Variants in RTL4 observed in about 807,000 individuals in gnomAD.
RTL4 encodes retrotransposon Gag-like protein 4.
Under a neutral mutation model 5.3 loss-of-function variants are expected in RTL4, and 4 were observed. That is an observed-to-expected ratio of 0.75 (90% confidence interval 0.37 to 1.72). RTL4 has a LOEUF of 1.72. Among genes scored for constraint, RTL4 ranks in the 40% most tolerant of loss-of-function variants. RTL4 has a pLI of 0.04. For synonymous variants in RTL4, 98 were observed against 87.3 expected (o/e 1.12, Z -0.68); for missense variants, 260 against 227.1 (o/e 1.14, Z -0.93).
chrX:112,309,283 T>C, the RTL4 span, among the ~76,000 whole-genome samples: 5 of 108,257 alleles, frequency 4.6e-5, no homozygotes, highest in Non-Finnish European at 9.4e-5. Flanking sequence ...GTGGCAGAGA[T>C]AGACAAGTAA....
chrX:112,329,403 A>G, the RTL4 span, among the ~76,000 whole-genome samples: 80 of 111,953 alleles, frequency 7.1e-4, no homozygotes, highest in Middle Eastern at 4.6e-3. Context: ...AAACTAGAAA[A>G]TCTAGAAGAA....
the RTL4 span, among the ~76,000 whole-genome samples, chrX:112,349,899 T>C: frequency 6.4e-5 from 7 of 110,099 alleles, no homozygotes; most frequent in African/African-American, 2.3e-4. Context: ...TCCAACACTA[T>C]GTTAAATAGG....
At chrX:112,215,162 G>A in the RTL4 span, among the ~76,000 whole-genome samples, 1 of 111,165 alleles carries the variant, frequency 9.0e-6, no homozygotes, top group African/African-American at 3.3e-5. Flanking sequence ...TGCATATTTG[G>A]GGGGTTCATG....
chrX:112,413,253 G>A, the RTL4 span, among the ~76,000 whole-genome samples: 1 of 111,564 alleles, frequency 9.0e-6, no homozygotes. Context: ...TGCACCTGTT[G>A]GTGGGGATGT....
chrX:112,113,629 G>T, the RTL4 span, among the ~76,000 whole-genome samples: 1 of 111,688 alleles, frequency 9.0e-6, no homozygotes, highest in Non-Finnish European at 1.9e-5. Context: ...GGCACCCTCA[G>T]TCCTATTGTT....
At chrX:112,196,348 G>A in the RTL4 span, among the ~76,000 whole-genome samples, 6 of 110,965 alleles carry the variant, frequency 5.4e-5, no homozygotes, top group East Asian at 1.1e-3. Flanking sequence ...AGTAGTCCGT[G>A]GTATGAATGT....
At chrX:112,197,948 G>T in the RTL4 span, among the ~76,000 whole-genome samples, 1 of 111,288 alleles carries the variant, frequency 9.0e-6, no homozygotes, top group Non-Finnish European at 1.9e-5. Flanking sequence ...TTTCTTCACA[G>T]CCTCATAAAT....
chrX:112,195,138 G>T, the RTL4 span, among the ~76,000 whole-genome samples: 970 of 111,845 alleles, frequency 8.7e-3, 11 homozygotes, highest in African/African-American at 0.03. Context: ...TGGTCCTAAA[G>T]ATGAAGCATG....
chrX:112,362,611 G>A, the RTL4 span, among the ~76,000 whole-genome samples: 2 of 110,755 alleles, frequency 1.8e-5, no homozygotes, highest in Non-Finnish European at 3.8e-5. Context: ...AATGACCAAC[G>A]GAGAGAGTAG....
chrX:112,351,930 T>G, the RTL4 span, among the ~76,000 whole-genome samples: 1 of 111,850 alleles, frequency 8.9e-6, no homozygotes, highest in African/African-American at 3.2e-5. Context: ...CTGGTTCTTT[T>G]GCTCTTTAGT....
the RTL4 span, among the ~76,000 whole-genome samples, chrX:112,294,253 A>C: frequency 4.5e-5 from 5 of 111,971 alleles, no homozygotes; most frequent in Middle Eastern, 4.6e-3. Flanking sequence ...GAGATTTGGC[A>C]GATGAGAATA....
At chrX:112,301,993 G>T in the RTL4 span, among the ~76,000 whole-genome samples, 10 of 108,484 alleles carry the variant, frequency 9.2e-5, no homozygotes. Flanking sequence ...AGGGGCCGTG[G>T]CTCACGCTTG....
the RTL4 span, among the ~76,000 whole-genome samples, chrX:112,373,877 T>C: frequency 1.8e-5 from 2 of 110,704 alleles, no homozygotes; most frequent in African/African-American, 6.6e-5. Flanking sequence ...AGGAATTATA[T>C]GGTATGTTTT....
the RTL4 span, among the ~76,000 whole-genome samples, chrX:112,401,382 A>G: frequency 9.0e-6 from 1 of 111,353 alleles, no homozygotes; most frequent in Non-Finnish European, 1.9e-5. Context: ...GTGTATCTAT[A>G]TCCTATCTAC....
the RTL4 span, among the ~76,000 whole-genome samples, chrX:112,326,591 C>A: frequency 1.8e-5 from 2 of 112,059 alleles, no homozygotes; most frequent in African/African-American, 6.5e-5. Flanking sequence ...GGGCGCCCAC[C>A]ATTGCCCAGG....
At chrX:112,402,433 TG>T in the RTL4 span, among the ~76,000 whole-genome samples, 2 of 108,481 alleles carry the variant, frequency 1.8e-5, no homozygotes, top group African/African-American at 6.7e-5. Context: ...TGTGTGTGTG[TG>T]TGTGTGTGTG....
the RTL4 span, among the ~76,000 whole-genome samples, chrX:112,126,662 T>TAA: frequency 8.9e-6 from 1 of 111,926 alleles, no homozygotes; most frequent in African/African-American, 3.2e-5. Flanking sequence ...GACAAGCATT[T>TAA]AAGTAGGCTG....
the RTL4 span, among the ~76,000 whole-genome samples, chrX:112,360,083 C>T: frequency 1.8e-5 from 2 of 111,297 alleles, no homozygotes; most frequent in Non-Finnish European, 3.8e-5. Flanking sequence ...ACATAAGCCT[C>T]GTCTGACTCA....
chrX:112,112,778 T>G, the RTL4 span, among the ~76,000 whole-genome samples: 1 of 111,671 alleles, frequency 9.0e-6, no homozygotes, highest in South Asian at 3.8e-4. Context: ...CCCTAAACCC[T>G]TGGGGCAAGA....
Sources: allele counts gnomAD v4.1 joint callset (sites outside exome capture counted in the v4.1 genomes callset), GRCh38; gene constraint gnomAD v4.1.1; transcripts MANE v1.5; gene names NCBI Gene and HGNC (gene_info 2026-07-23, HGNC 2026-07-21).